ZMPSTE24: variants seen among roughly 807,000 people sequenced by gnomAD.
ZMPSTE24 encodes the protein CAAX prenyl protease 1 homolog.
In ZMPSTE24, 48 loss-of-function variants were observed where a neutral mutation model predicts 56.7. The observed-to-expected ratio is 0.85, with a 90% CI of 0.67 to 1.08. The LOEUF is 1.08. ZMPSTE24 is among the 50% of genes least tolerant of loss of function. The pLI is 0.00. For missense variants in ZMPSTE24, 503 were observed against 548.7 expected (o/e 0.92, Z 0.83); for synonymous variants, 172 against 195.2 (o/e 0.88, Z 0.99).
intron 6 of ZMPSTE24, among the ~76,000 whole-genome samples, chr1:40,278,512 C>T (rs1643693557): frequency 1.6e-5 from 2 of 124,538 alleles, no homozygotes; most frequent in South Asian, 2.7e-4. Flanking sequence ...GAGCCGAGAT[C>T]GCGCCACTGC....
Position 40,260,918 on chromosome 1 carries a change from G to A in ZMPSTE24, c.203G>A (p.Arg68Gln), listed in dbSNP as rs1557772480. ...IMDSETFEKS[R>Q]LYQLDKSTFS... ...GATTCTGAAACATTTGAGAAATCTC[G>A]ACTCTATCAACTGGATAAAAGCACT... Residue 68 changes from arginine to glutamine, a missense_variant, in exon 2 of 10, where the codon CGA becomes CAA. Transcript: ENST00000372759. The A allele has an allele frequency of 4.3e-6, 7 of 1,614,106 alleles. No homozygotes were observed. The highest frequency in any genetic ancestry group is 1.1e-5 in the South Asian group (1 of 91,070).
intron 6 of ZMPSTE24, among the ~76,000 whole-genome samples, chr1:40,274,284 T>C (rs1192410543): frequency 6.6e-6 from 1 of 152,236 alleles, no homozygotes; most frequent in East Asian, 1.9e-4. Context: ...CAGTAACAAT[T>C]CTCAAAAATA....
Position 40,269,823 on chromosome 1 carries a change from G to T in ZMPSTE24, c.475-152G>T, listed in dbSNP as rs2124581984. On this transcript the variant is annotated intron_variant, in intron 4 of 9. Transcript: ENST00000372759. ...GTAAAATGCAAGACATTTACCCATT[G>T]TCTTAAGCTGCCTAATGTCATATAA... 1.3e-5 allele frequency: 11 copies of T among 869,104 alleles called. No homozygotes were observed. In the South Asian group the frequency reaches 1.9e-4, roughly 15 times the overall value. 53.8% of individuals were successfully genotyped at this position (869,104 alleles called of 1,614,324 possible).
At chr1:40,271,751 G>A (rs1313487411) in intron 5 of ZMPSTE24, 143 bp from the exon 6 acceptor site, 3 of 796,764 alleles carry the variant, frequency 3.8e-6, no homozygotes, top group Non-Finnish European at 3.9e-6. Flanking sequence ...TACTATTTGG[G>A]CCTGGGAATA....
intron 4 of ZMPSTE24, 44 bp downstream of exon 4, chr1:40,268,579 T>C: frequency 7.7e-7 from 1 of 1,293,056 alleles, no homozygotes; most frequent in Non-Finnish European, 1.1e-6. Flanking sequence ...TGTGAAAAAC[T>C]TCTGTGCTTT....
chr1:40,264,032 T>C (rs1643524298), intron 2 of ZMPSTE24, among the ~76,000 whole-genome samples: 1 of 152,184 alleles, frequency 6.6e-6, no homozygotes, highest in South Asian at 2.1e-4. Context: ...AGTTTTCTCA[T>C]CTTTAAAATG....
In ZMPSTE24 at chr1:40,292,552, A is replaced by G. The variant is rs1156475624; in HGVS notation, c.1311A>G (p.Lys437=). The change falls in exon 10 of 10, where the codon AAA becomes AAG. Residue 437 remains lysine (K), a synonymous_variant. Transcript: ENST00000372759. ...KAKDLYSALI[K]LNKDNLGFPV... ...AAGACTTATATTCTGCTTTAATCAAACTTAACAAAGATAACTTGGGATTCC... is the reference window on the plus strand; with the variant it reads ...AAGACTTATATTCTGCTTTAATCAAGCTTAACAAAGATAACTTGGGATTCC... 2 of 1,614,168 alleles carry G rather than the reference A, an allele frequency of 1.2e-6. No individual in the cohort carries two copies. The highest frequency in any genetic ancestry group is 1.7e-6 in the Non-Finnish European group (2 of 1,180,016).
Position 40,266,498 on chromosome 1 carries a change from C to T in ZMPSTE24, c.271-1288C>T, listed in dbSNP as rs144808154. On this transcript the variant is annotated intron_variant, in intron 2 of 9. Coordinates refer to ENST00000372759, the MANE Select transcript of ZMPSTE24 (RefSeq NM_005857.5). Reference sequence around the variant, plus strand: ...GAATGTCTGTGTTCACTTTATCTGCCCAAGACCAAGACAAAGGGTGGTGCT... The same window carrying T: ...GAATGTCTGTGTTCACTTTATCTGCTCAAGACCAAGACAAAGGGTGGTGCT... 7.7e-3 allele frequency among the ~76,000 whole-genome samples: 1,170 copies of T among 152,156 alleles called. 13 individuals carry two copies. The highest frequency in any genetic ancestry group is 0.027 in the African/African-American group (1,122 of 41,496).
chr1:40,258,660 G>T (rs1299143407), intron 1 of ZMPSTE24, among the ~76,000 whole-genome samples: 1 of 152,122 alleles, frequency 6.6e-6, no homozygotes, highest in Non-Finnish European at 1.5e-5. Flanking sequence ...CCTCCCTGCA[G>T]CTTCCTTGGG....
At position 40,260,966 on chromosome 1, in the gene ZMPSTE24, A is replaced by G. The variant is rs764141945; in HGVS notation, c.251A>G (p.Tyr84Cys). ...ACTTTCAGCTTCTGGTCAGGACTCT[A>G]TTCAGAGACTGAAGGCACTGTGAGT... The part of the protein sequence containing the change: ...KSTFSFWSGL[Y>C]SETEGTLILL... The change falls in exon 2 of 10, where the codon TAT (tyrosine) becomes TGT (cysteine). Residue 84 changes from tyrosine (Y) to cysteine (C), a missense_variant. By Grantham distance (194) the Tyr-to-Cys change is radical. Coordinates refer to ENST00000372759, the MANE Select transcript of ZMPSTE24 (RefSeq NM_005857.5). 24 of 1,614,140 alleles carry G rather than the reference A, an allele frequency of 1.5e-5. No individual in the cohort carries two copies. The highest frequency in any genetic ancestry group is 1.9e-5 in the Non-Finnish European group (22 of 1,180,020).
At chr1:40,261,016 T>C in intron 2 of ZMPSTE24, 31 bp downstream of exon 2, 1 of 1,613,610 alleles carries the variant, frequency 6.2e-7, no homozygotes, top group South Asian at 1.1e-5. Flanking sequence ...AGAGACAGTC[T>C]GTCTGGTTGT....
In ZMPSTE24 at chr1:40,267,738, A is replaced by G. The variant is rs375798102; in HGVS notation, c.271-48A>G. On this transcript the variant is annotated intron_variant, in intron 2 of 9. Coordinates refer to ENST00000372759, the MANE Select transcript of ZMPSTE24 (RefSeq NM_005857.5). ...TTTATACCATGCTTTCTCATATGAT[A>G]GTTTCTAGTACTGTTCAACTGTGAT... is the stretch of plus-strand genomic sequence containing the variant. The G allele has an allele frequency of 4.3e-5, 58 of 1,336,526 alleles. 1 individual carries two copies. The highest frequency in any genetic ancestry group is 2.0e-4 in the Admixed American group (12 of 59,458). 82.8% of individuals were successfully genotyped at this position (1,336,526 alleles called of 1,614,324 possible). A position where few individuals can be genotyped will look rare whatever the true frequency, so the allele number is the denominator to read the frequency against.
chr1:40,275,436 AAAACAAAC>A (rs770808420), intron 6 of ZMPSTE24, among the ~76,000 whole-genome samples: 2 of 151,526 alleles, frequency 1.3e-5, no homozygotes, highest in Admixed American at 6.6e-5. Context: ...TCTGTCTCAA[AAAACAAAC>A]AAACAAACAA....
At chr1:40,288,279 C>T (rs1643806576) in intron 8 of ZMPSTE24, among the ~76,000 whole-genome samples, 1 of 152,190 alleles carries the variant, frequency 6.6e-6, no homozygotes, top group South Asian at 2.1e-4. Flanking sequence ...TATAGAAATG[C>T]ATTCCTTGGC....
intron 8 of ZMPSTE24, among the ~76,000 whole-genome samples, chr1:40,286,352 G>A (rs755964745): frequency 2.0e-5 from 3 of 152,182 alleles, no homozygotes; most frequent in Non-Finnish European, 4.4e-5. Context: ...CACCTCCAGA[G>A]TAAGAACTTG....
chr1:40,263,064 G>A (rs994999658), intron 2 of ZMPSTE24: 7 of 876,386 alleles, frequency 8.0e-6, no homozygotes, highest in Non-Finnish European at 9.6e-6. Context: ...TAAAATAATA[G>A]GAAAAGCATT....
Position 40,292,701 on chromosome 1 carries a change from T to C in ZMPSTE24, c.*32T>C, listed in dbSNP as rs779800933. Reference sequence around the variant, plus strand: ...CAGGATCTGTGACTGAAGACATTTCTGATTATTTCTGTCCTGGCAGCATGT... The same window carrying C: ...CAGGATCTGTGACTGAAGACATTTCCGATTATTTCTGTCCTGGCAGCATGT... On this transcript the variant is annotated 3_prime_UTR_variant, in exon 10 of 10. Coordinates refer to ENST00000372759, the MANE Select transcript of ZMPSTE24 (RefSeq NM_005857.5). 1.3e-6 allele frequency: 2 copies of C among 1,588,604 alleles called. No individual in the cohort carries two copies. Among genetic ancestry groups the C allele is most frequent in the Admixed American group, 1.7e-5 (1 of 59,974 alleles).
chr1:40,290,746 G>A, intron 8 of ZMPSTE24, 108 bp from the exon 9 acceptor site: 1 of 1,383,378 alleles, frequency 7.2e-7, no homozygotes, highest in Non-Finnish European at 1.0e-6. Context: ...ACAGGCGTGA[G>A]CCACCGCGCC....
intron 8 of ZMPSTE24, among the ~76,000 whole-genome samples, chr1:40,286,665 C>T (rs1643789649): frequency 6.6e-6 from 1 of 151,688 alleles, no homozygotes; most frequent in African/African-American, 2.4e-5. Context: ...AGGTAATGCA[C>T]CCACCTCGGC....
Sources: gnomAD v4.1 joint callset for allele counts (sites outside exome capture counted in the v4.1 genomes callset) on GRCh38, gnomAD v4.1.1 for gene constraint, MANE v1.5 for transcripts, NCBI Gene and HGNC (gene_info 2026-07-23, HGNC 2026-07-21) for gene names.